The following PCDHA11 variants were observed in gnomAD, a reference collection of about 807,000 sequenced individuals.
The protein encoded by PCDHA11 is protocadherin alpha 11.
In PCDHA11, 61 loss-of-function variants were observed where a neutral mutation model predicts 70.3. The observed-to-expected ratio is 0.87, with a 90% CI of 0.71 to 1.07. The LOEUF is 1.07. Among genes scored for constraint, PCDHA11 ranks in the 50% least tolerant of loss-of-function variants. The probability of loss-of-function intolerance (pLI) is 0.00; values close to 1 mark genes in which losing one functional copy is unlikely to be tolerated. For synonymous variants in PCDHA11, 633 were observed against 555.1 expected, an observed-to-expected ratio of 1.14 and a Z score of -1.97; for missense variants, 1,324 against 1,237.5, an observed-to-expected ratio of 1.07 and a Z score of -1.05.
Position 140,892,511 on chromosome 5 carries a change from C to T in PCDHA11, c.2391+21017C>T, listed in dbSNP as rs115588708. Among the ~76,000 whole-genome samples the T allele has an allele frequency of 8.0e-3, 1,214 of 152,282 alleles. 6 individuals carry two copies. Among genetic ancestry groups the T allele is most frequent in the African/African-American group, 0.019 (784 of 41,558 alleles). On this transcript the variant is annotated intron_variant, in intron 1 of 3. Coordinates refer to ENST00000398640, the MANE Select transcript of PCDHA11 (RefSeq NM_018902.5). ...TGAGAGATTGTTTAAGAAGTTCCAC[C>T]ATGACTGGTAGACTCAGGATTCTGA...
At chr5:140,920,713 G>A (rs140720388) in intron 1 of PCDHA11, among the ~76,000 whole-genome samples, 41 of 152,140 alleles carry the variant, frequency 2.7e-4, no homozygotes, top group African/African-American at 9.6e-4. Context: ...GCATGGTGGT[G>A]TGCGCCTGCA....
chr5:140,968,818 T>A, intron 1 of PCDHA11: 1 of 1,614,188 alleles, frequency 6.2e-7, no homozygotes, highest in South Asian at 1.1e-5. Context: ...TGGATAGGGT[T>A]TCCAAAATCC....
chr5:140,952,301 T>G (rs246036), intron 1 of PCDHA11, among the ~76,000 whole-genome samples: 84,430 of 149,404 alleles, frequency 0.57, 24,448 homozygotes, highest in African/African-American at 0.7. Flanking sequence ...CACAGCCATT[T>G]CACTCCAGCC....
chr5:140,884,547 C>G, intron 1 of PCDHA11: 1 of 1,614,214 alleles, frequency 6.2e-7, no homozygotes, highest in East Asian at 2.2e-5. Context: ...AGGGTGTGCT[C>G]TGGGGAGGGC....
At chr5:140,963,615 T>A (rs2095780964) in intron 1 of PCDHA11, among the ~76,000 whole-genome samples, 1 of 152,248 alleles carries the variant, frequency 6.6e-6, no homozygotes, top group African/African-American at 2.4e-5. Context: ...TGGGAAAGCT[T>A]AACTTTGTTG....
At chr5:141,009,374 G>A (rs567366098) in intron 3 of PCDHA11, among the ~76,000 whole-genome samples, 2 of 152,334 alleles carry the variant, frequency 1.3e-5, no homozygotes, top group African/African-American at 2.4e-5. Context: ...TGGGAGGATT[G>A]ATTGAGCACA....
At chr5:140,919,932 C>A (rs2079357842) in intron 1 of PCDHA11, among the ~76,000 whole-genome samples, 1 of 151,968 alleles carries the variant, frequency 6.6e-6, no homozygotes, top group Non-Finnish European at 1.5e-5. Flanking sequence ...CAGGTGGGGG[C>A]TAATTCCAGT....
chr5:140,904,156 G>C (rs1554191312), intron 1 of PCDHA11, among the ~76,000 whole-genome samples: 1 of 152,028 alleles, frequency 6.6e-6, no homozygotes, highest in Non-Finnish European at 1.5e-5. Flanking sequence ...ATTGCACCCA[G>C]TTTGTAGTCT....
chr5:140,875,810 C>T, intron 1 of PCDHA11: 1 of 1,614,106 alleles, frequency 6.2e-7, no homozygotes, highest in Non-Finnish European at 8.5e-7. Context: ...GTGGACAGGC[C>T]GCTGCAGGTT....
rs367677663 is a variant in PCDHA11 at position 140,870,015 on chromosome 5, T to C, written c.912T>C (p.Asn304=). The C allele has an allele frequency of 3.1e-6, 5 of 1,613,476 alleles. No homozygotes were observed. The highest frequency in any genetic ancestry group is 1.7e-5 in the Admixed American group (1 of 59,978). Residue 304 remains asparagine (N), a synonymous_variant, in exon 1 of 4, where the codon AAT becomes AAC. Coordinates refer to ENST00000398640, the MANE Select transcript of PCDHA11 (RefSeq NM_018902.5). Reference sequence around the variant, plus strand: ...AAAATAATGGAGAAGTGAGGGTCAATGGAACTTTAGATTATGAAGAAAACA... The same window carrying C: ...AAAATAATGGAGAAGTGAGGGTCAACGGAACTTTAGATTATGAAGAAAACA... ...LDQNNGEVRV[N]GTLDYEENKF...
intron 1 of PCDHA11, chr5:140,883,731 C>T (rs1287936712): frequency 6.2e-7 from 1 of 1,613,446 alleles, no homozygotes; most frequent in East Asian, 2.2e-5. Flanking sequence ...CAGGAGAACG[C>T]GCTGGTCTCC....
At chr5:140,956,363 A>G (rs938643620) in intron 1 of PCDHA11, among the ~76,000 whole-genome samples, 2 of 152,026 alleles carry the variant, frequency 1.3e-5, no homozygotes, top group African/African-American at 4.8e-5. Context: ...ACATGAAGGG[A>G]TGTTGAATTT....
At chr5:140,894,236 T>C (rs1205163436) in intron 1 of PCDHA11, among the ~76,000 whole-genome samples, 7 of 152,250 alleles carry the variant, frequency 4.6e-5, no homozygotes, top group South Asian at 2.1e-4. Context: ...TGAATGACAA[T>C]GTAATTTTCT....
chr5:140,974,944 T>C (rs1216786290), intron 1 of PCDHA11, among the ~76,000 whole-genome samples: 1 of 152,210 alleles, frequency 6.6e-6, no homozygotes, highest in African/African-American at 2.4e-5. Context: ...ACCTATTTGT[T>C]ATCTCACAGT....
At chr5:140,935,374 T>A (rs2090335210) in intron 1 of PCDHA11, among the ~76,000 whole-genome samples, 1 of 152,248 alleles carries the variant, frequency 6.6e-6, no homozygotes. Flanking sequence ...GTCAACAGAA[T>A]TACTCATTTG....
chr5:140,871,656 A>C, intron 1 of PCDHA11, 162 bp downstream of exon 1: 1 of 1,231,284 alleles, frequency 8.1e-7, no homozygotes, highest in Non-Finnish European at 1.1e-6. Flanking sequence ...AATGATACAC[A>C]TCTTCAGTCT....
chr5:140,966,644 G>A, intron 1 of PCDHA11: 1 of 1,127,128 alleles, frequency 8.9e-7, no homozygotes, highest in Non-Finnish European at 1.2e-6. Context: ...GCTTTCTAGA[G>A]CGTGAGCGGT....
chr5:140,915,744 G>A (rs2077291791), intron 1 of PCDHA11, among the ~76,000 whole-genome samples: 1 of 151,896 alleles, frequency 6.6e-6, no homozygotes, highest in South Asian at 2.1e-4. Flanking sequence ...CAGACCTATA[G>A]CCAGCACAGC....
Position 140,870,052 on chromosome 5 carries a change from A to C in PCDHA11, c.949A>C (p.Ile317Leu), listed in dbSNP as rs782520778. The C allele has an allele frequency of 6.2e-7, 1 of 1,613,830 alleles. No homozygotes were observed. Among genetic ancestry groups the C allele is most frequent in the Non-Finnish European group, 8.5e-7 (1 of 1,179,886 alleles). Residue 317 changes from isoleucine (I) to leucine (L), a missense_variant, in exon 1 of 4, where the codon ATT becomes CTT. Physicochemically the swap from Ile to Leu is conservative, Grantham distance 5. Coordinates refer to ENST00000398640, the MANE Select transcript of PCDHA11 (RefSeq NM_018902.5). ...LDYEENKFYKIEVQATDKGTP... is the reference protein window; with the variant it reads ...LDYEENKFYKLEVQATDKGTP... The stretch of plus-strand genomic sequence containing the variant: ...TTATGAAGAAAACAAGTTTTATAAA[A>C]TTGAAGTACAGGCTACAGATAAGGG...
Sources: gnomAD v4.1 joint callset for allele counts (sites outside exome capture counted in the v4.1 genomes callset) on GRCh38, gnomAD v4.1.1 for gene constraint, MANE v1.5 for transcripts, NCBI Gene and HGNC (gene_info 2026-07-23, HGNC 2026-07-21) for gene names.